Variants in MAP3K13 observed in about 807,000 individuals in gnomAD.
MAP3K13 encodes mitogen-activated protein kinase kinase kinase 13.
Under a neutral mutation model 104.0 loss-of-function variants are expected in MAP3K13, and 52 were observed. That is an observed-to-expected ratio of 0.50 (90% CI 0.40 to 0.63). The LOEUF (loss-of-function observed/expected upper bound fraction) is 0.63, where lower values mean the gene tolerates loss of function less well. MAP3K13 is among the 20% of genes least tolerant of loss of function. The probability of loss-of-function intolerance (pLI) is 0.00; values close to 1 mark genes in which losing one functional copy is unlikely to be tolerated. For missense variants in MAP3K13, 914 were observed against 1,218.5 expected, an observed-to-expected ratio of 0.75 and a Z score of 3.72; for synonymous variants, 394 against 442.2, an observed-to-expected ratio of 0.89 and a Z score of 1.37.
intron 2 of MAP3K13, among the ~76,000 whole-genome samples, chr3:185,331,628 G>A (rs920359663): frequency 1.3e-5 from 2 of 152,142 alleles, no homozygotes; most frequent in East Asian, 1.9e-4. Context: ...TTGGTAAATC[G>A]TTGTATGACA....
At chr3:185,452,051 A>C (rs1489733142) in intron 7 of MAP3K13, among the ~76,000 whole-genome samples, 1 of 152,066 alleles carries the variant, frequency 6.6e-6, no homozygotes, top group African/African-American at 2.4e-5. Context: ...ATCTTCTTTG[A>C]AGTAGAAAAG....
chr3:185,473,520 AC>A lies in MAP3K13; in HGVS notation c.2193del (p.Cys732AlafsTer12). ...GGCTGTTGCCAGGCTGACGCTTATG[AC>A]CCCTGCCTTCAGTGCAGGCCAGAAC... ...PWGCCQADAY[D>X]PCLQCRPEQY... On this transcript the variant is annotated frameshift_variant, in exon 11 of 14. Transcript: ENST00000265026. LOFTEE classifies it high-confidence loss of function. The surrounding 1 kb of genome is among the most constrained non-coding windows in gnomAD (Gnocchi z 4.9). 1 of 1,614,070 alleles carries A rather than the reference AC, an allele frequency of 6.2e-7. No homozygotes were observed. The highest frequency in any genetic ancestry group is 8.5e-7 in the Non-Finnish European group (1 of 1,180,018).
Position 185,473,355 on chromosome 3 carries a change from C to T in MAP3K13, c.2024C>T (p.Pro675Leu), listed in dbSNP as rs1487125632. ...GCCAACAACCTGAGGTATTTCGGCC[C>T]AGCAGCAGCCCTGCGGAGCCCACTC... is the stretch of plus-strand genomic sequence containing the variant. ...TCANNLRYFGPAAALRSPLSN... is the reference protein window; with the variant it reads ...TCANNLRYFGLAAALRSPLSN... The change falls in exon 11 of 14, where the codon CCA (proline) becomes CTA (leucine). Residue 675 changes from proline to leucine, a missense_variant. Around this residue, in one of 3 missense-constraint regions of MAP3K13, gnomAD observed 583 missense variants for 737.4 expected, o/e 0.79. Coordinates refer to ENST00000265026, the MANE Select transcript of MAP3K13 (RefSeq NM_004721.5). This position sits in a 1 kb window ranked among gnomAD's most constrained non-coding sequence, Gnocchi z 4.9. 6.2e-7 allele frequency: 1 copy of T among 1,614,218 alleles called. No homozygotes were observed. The highest frequency in any genetic ancestry group is 1.7e-5 in the Admixed American group (1 of 60,032).
intron 10 of MAP3K13, among the ~76,000 whole-genome samples, chr3:185,469,118 T>C (rs1577613123): frequency 6.6e-6 from 1 of 152,272 alleles, no homozygotes; most frequent in East Asian, 1.9e-4. Flanking sequence ...ATTTGGACAG[T>C]CCAATGATTA....
At chr3:185,340,180 T>C (rs149938633) in intron 2 of MAP3K13, among the ~76,000 whole-genome samples, 1 of 152,310 alleles carries the variant, frequency 6.6e-6, no homozygotes, top group East Asian at 1.9e-4. Context: ...GTTTAATGTA[T>C]GTAAAGAATA....
intron 1 of MAP3K13, among the ~76,000 whole-genome samples, chr3:185,408,821 AC>A (rs1259520843): frequency 6.6e-6 from 1 of 152,196 alleles, no homozygotes; most frequent in African/African-American, 2.4e-5. Flanking sequence ...TTTATAATAT[AC>A]CAGGCTTCAT....
At chr3:185,481,772 G>C (rs566608868) in intron 13 of MAP3K13, among the ~76,000 whole-genome samples, 3 of 152,244 alleles carry the variant, frequency 2.0e-5, no homozygotes, top group African/African-American at 4.8e-5. Context: ...AGGACTAAAT[G>C]GATTAACAGA....
At chr3:185,455,509 A>G (rs1188295002) in intron 7 of MAP3K13, among the ~76,000 whole-genome samples, 7 of 99,672 alleles carry the variant, frequency 7.0e-5, no homozygotes, top group African/African-American at 2.0e-4. Flanking sequence ...TGAGATATAT[A>G]TGAGATATAT....
rs765513332 is a variant in MAP3K13, at chr3:185,473,096, C to T, written c.1765C>T (p.Arg589Cys). Residue 589 changes from arginine to cysteine, a missense_variant, in exon 11 of 14, where the codon CGC becomes TGC. This residue lies in a region of MAP3K13 where 583 missense variants were observed against 737.4 expected (regional missense o/e 0.79). Transcript: ENST00000265026. The surrounding 1 kb of genome is among the most constrained non-coding windows in gnomAD (Gnocchi z 4.9). ...SSKSRYRSKP[R>C]HRRGNSRGSH... ...CAAGAGCCGATATCGAAGCAAACCA[C>T]GCCACCGCCGAGGGAATAGCAGAGG... is the stretch of plus-strand genomic sequence containing the variant. 9.9e-6 allele frequency: 16 copies of T among 1,614,036 alleles called. No homozygotes were observed. Among genetic ancestry groups the T allele is most frequent in the Non-Finnish European group, 1.3e-5 (15 of 1,180,044 alleles).
rs116033612 is a variant in MAP3K13, at chr3:185,423,521, A to G, written c.-85-4976A>G. On this transcript the variant is annotated intron_variant, in intron 1 of 13. Transcript: ENST00000265026. This position sits in a 1 kb window ranked among gnomAD's most constrained non-coding sequence, Gnocchi z 4.1. ...TCAGTAATGTCAAAGCTCAGAGATG[A>G]GCACGAAAAGAACAGGGGAGGGGAG... Among the ~76,000 whole-genome samples the G allele has an allele frequency of 0.013, 1,945 of 152,346 alleles. 53 individuals are homozygous for G. Among genetic ancestry groups the G allele is most frequent in the African/African-American group, 0.043 (1,802 of 41,562 alleles).
At chr3:185,449,577 GT>G (rs1243272899) in intron 5 of MAP3K13, among the ~76,000 whole-genome samples, 2 of 151,842 alleles carry the variant, frequency 1.3e-5, no homozygotes, top group African/African-American at 2.4e-5. Context: ...TTCCCCACTG[GT>G]TTTTGATGTC....
rs115804831 is a variant in MAP3K13, at chr3:185,471,160, G to A, written c.1644-1815G>A. 3.1e-3 allele frequency among the ~76,000 whole-genome samples: 479 copies of A among 152,186 alleles called. 5 individuals carry two copies. The highest frequency in any genetic ancestry group is 0.011 in the African/African-American group (440 of 41,526). ...GGTGGAGGAGGACTCTCTGGTGAAG[G>A]TTTCCTGGATTTTTTTCTGCTAATG... On this transcript the variant is annotated intron_variant, in intron 10 of 13. Transcript: ENST00000265026.
At chr3:185,414,377 C>T (rs770559964) in intron 1 of MAP3K13, among the ~76,000 whole-genome samples, 7 of 152,170 alleles carry the variant, frequency 4.6e-5, no homozygotes, top group East Asian at 1.9e-4. Flanking sequence ...TGAGGCTAGA[C>T]GGTGGGAAAA....
chr3:185,393,170 G>A (rs970262718), intron 1 of MAP3K13, among the ~76,000 whole-genome samples: 8 of 97,068 alleles, frequency 8.2e-5, no homozygotes, highest in African/African-American at 2.8e-4. Flanking sequence ...GAATGTTAAA[G>A]GATGCTTTTT....
intron 2 of MAP3K13, among the ~76,000 whole-genome samples, chr3:185,345,680 G>A (rs1722895407): frequency 6.6e-6 from 1 of 152,166 alleles, no homozygotes; most frequent in Admixed American, 6.6e-5. Context: ...ACCTCCAGAT[G>A]GGACTGTCTA....
At chr3:185,386,349 C>T (rs1484300318) in intron 1 of MAP3K13, among the ~76,000 whole-genome samples, 1 of 152,056 alleles carries the variant, frequency 6.6e-6, no homozygotes, top group Non-Finnish European at 1.5e-5. Flanking sequence ...AAATGCAAAT[C>T]AAAACCATGA....
At chr3:185,309,512 C>CAA (rs66889332) in intron 2 of MAP3K13, among the ~76,000 whole-genome samples, 1,163 of 105,682 alleles carry the variant, frequency 0.011, 31 homozygotes, top group African/African-American at 0.038. Context: ...CCTTGTCTCA[C>CAA]AAAAAAAAAA....
intron 1 of MAP3K13, among the ~76,000 whole-genome samples, chr3:185,376,790 C>T (rs1577481168): frequency 6.6e-6 from 1 of 151,906 alleles, no homozygotes; most frequent in South Asian, 2.1e-4. Context: ...ATTAACCGGA[C>T]GTGATCAGCA....
intron 2 of MAP3K13, among the ~76,000 whole-genome samples, chr3:185,312,921 AAAT>A (rs1328419271): frequency 6.6e-6 from 1 of 152,190 alleles, no homozygotes; most frequent in African/African-American, 2.4e-5. Context: ...TTCATAATAA[AAAT>A]AATAAAGAAA....
Sources: allele counts gnomAD v4.1 joint callset (sites outside exome capture counted in the v4.1 genomes callset), GRCh38; gene constraint gnomAD v4.1.1; regional missense constraint gnomAD v4.1.1; non-coding constraint Gnocchi (gnomAD v3.1); transcripts MANE v1.5; gene names NCBI Gene and HGNC (gene_info 2026-07-23, HGNC 2026-07-21).